Variants in RBM42 observed in about 807,000 individuals in gnomAD.
RBM42 encodes the protein RNA binding motif protein 42, also known as RNA-binding protein 42.
RBM42 carries 21 observed loss-of-function variants against 41.4 expected under a neutral mutation model. The ratio of observed to expected loss-of-function variants is 0.51; its 90% CI spans 0.36 to 0.73. The LOEUF is 0.73. RBM42 is among the 30% of genes least tolerant of loss of function. RBM42 has a pLI of 0.00. For synonymous variants in RBM42, 272 were observed against 271.2 expected (o/e 1.00, Z -0.03); for missense variants, 539 against 680.4 (o/e 0.79, Z 2.31).
At chr19:35,630,936 A>C (rs1967394189) in intron 2 of RBM42, among the ~76,000 whole-genome samples, 1 of 152,170 alleles carries the variant, frequency 6.6e-6, no homozygotes, top group Non-Finnish European at 1.5e-5. Context: ...GGAAGATGAA[A>C]TAAGGTGGTG....
chr19:35,633,539 CTG>C, intron 6 of RBM42, 146 bp from the exon 7 acceptor site: 1 of 712,508 alleles, frequency 1.4e-6, no homozygotes, highest in Middle Eastern at 3.1e-4. Flanking sequence ...TTCTCCTTCT[CTG>C]TGTTTGTCTG....
At chr19:35,630,002 G>A (rs150544641) in intron 2 of RBM42, among the ~76,000 whole-genome samples, 1 of 152,200 alleles carries the variant, frequency 6.6e-6, no homozygotes, top group Non-Finnish European at 1.5e-5. Context: ...TAGAGAAAGA[G>A]AGAGAAATTA....
At position 35,637,091 on chromosome 19, in the gene RBM42, G is replaced by A. The variant is rs1437358087; in HGVS notation, c.1136-67G>A. The stretch of plus-strand genomic sequence containing the variant: ...TAGATACCTCCGAAAAGGTGGGATC[G>A]TTCAGACAAGGTAGACACTGGGCAA... On this transcript the variant is annotated intron_variant, in intron 8 of 9. Coordinates refer to ENST00000262633, the MANE Select transcript of RBM42 (RefSeq NM_024321.5). This position sits in a 1 kb window ranked among gnomAD's most constrained non-coding sequence, Gnocchi z 7.0. The A allele has an allele frequency of 4.8e-6, 7 of 1,451,494 alleles. No homozygotes were observed. Among genetic ancestry groups the A allele is most frequent in the East Asian group, 2.5e-5 (1 of 40,680 alleles). 89.9% of individuals were successfully genotyped at this position (1,451,494 alleles called of 1,614,324 possible).
At chr19:35,636,439 C>T (rs1389331438) in intron 8 of RBM42, among the ~76,000 whole-genome samples, 1 of 152,170 alleles carries the variant, frequency 6.6e-6, no homozygotes, top group East Asian at 1.9e-4. Context: ...GGATCACAGG[C>T]GTGAGCCACT....
chr19:35,633,805 TG>T lies in RBM42; in HGVS notation c.808del (p.Ala270GlnfsTer87). 2.0e-6 allele frequency: 3 copies of T among 1,501,018 alleles called. No homozygotes were observed. The highest frequency in any genetic ancestry group is 1.8e-6 in the Non-Finnish European group (2 of 1,133,550). 93.0% of individuals were successfully genotyped at this position (1,501,018 alleles called of 1,614,324 possible). The stretch of plus-strand genomic sequence containing the variant: ...GAGGAGGCTAGCGCGGCTGTGGCCG[TG>T]GGGGCAGGAGGTGCCCCAGCTGGCC... ...GLEEASAAVA[V>X]GAGGAPAGPA... On this transcript the variant is annotated frameshift_variant, in exon 7 of 10. Coordinates refer to ENST00000262633, the MANE Select transcript of RBM42 (RefSeq NM_024321.5). LOFTEE classifies it high-confidence loss of function.
In RBM42 at chr19:35,637,052, C is replaced by T; in HGVS notation, c.1136-106C>T. 1 of 1,037,080 alleles carries T rather than the reference C, an allele frequency of 9.6e-7. No homozygotes were observed. The highest frequency in any genetic ancestry group is 2.5e-5 in the Admixed American group (1 of 40,546). The allele number at this position is 1,037,080 out of a possible 1,614,324, so 64.2% of individuals were successfully genotyped here. A position where few individuals can be genotyped will look rare whatever the true frequency, so the allele number is the denominator to read the frequency against. ...GTGTTGACCATTATTACTAAGAGGT[C>T]CCTAGGCAGAGACTAGATACCTCCG... On this transcript the variant is annotated intron_variant, in intron 8 of 9. Coordinates refer to ENST00000262633, the MANE Select transcript of RBM42 (RefSeq NM_024321.5). The surrounding 1 kb of genome is among the most constrained non-coding windows in gnomAD (Gnocchi z 7.0).
Position 35,629,213 on chromosome 19 carries a change from T to C in RBM42, c.60T>C (p.Gly20=). ...GTGCAGGAGGACCCGTGGTCCCGGG[T>C]CCTGGCGCTGGCATCCCGGGCAAAA... ...LPGAGGPVVP[G]PGAGIPGKSG... is the part of the protein sequence containing the mutation. Residue 20 remains glycine (G), a synonymous_variant, in exon 1 of 10, where the codon GGT becomes GGC. Transcript: ENST00000262633. 1 of 1,537,020 alleles carries C rather than the reference T, an allele frequency of 6.5e-7. No homozygotes were observed. The highest frequency in any genetic ancestry group is 2.5e-5 in the East Asian group (1 of 40,716).
At chr19:35,634,155 G>A in intron 7 of RBM42, 101 bp from the exon 8 acceptor site, 1 of 1,547,840 alleles carries the variant, frequency 6.5e-7, no homozygotes, top group South Asian at 1.2e-5. Flanking sequence ...ACATCCAGAA[G>A]CACATCCAGC....
intron 6 of RBM42, 96 bp downstream of exon 6, chr19:35,633,348 T>C: frequency 1.0e-6 from 1 of 983,634 alleles, no homozygotes; most frequent in African/African-American, 1.6e-5. Flanking sequence ...GCCTCTCTCC[T>C]GACTTTCTGT....
Position 35,637,576 on chromosome 19 carries a change from T to G in RBM42, c.*22T>G. On this transcript the variant is annotated 3_prime_UTR_variant, in exon 10 of 10. Coordinates refer to ENST00000262633, the MANE Select transcript of RBM42 (RefSeq NM_024321.5). This position sits in a 1 kb window ranked among gnomAD's most constrained non-coding sequence, Gnocchi z 7.0. ...ATAGGGTCTGTGGCCAGGCACCCGC[T>G]CCCACCTGGCCGGGCGCTGGCTCCT... 1 of 1,591,994 alleles carries G rather than the reference T, an allele frequency of 6.3e-7. No homozygotes were observed. The highest frequency in any genetic ancestry group is 1.1e-5 in the South Asian group (1 of 90,430).
intron 4 of RBM42, among the ~76,000 whole-genome samples, chr19:35,632,483 T>G: frequency 6.6e-6 from 1 of 152,224 alleles, no homozygotes; most frequent in East Asian, 1.9e-4. Context: ...ACCCCTTGCC[T>G]AACACTTCAT....
Position 35,637,284 on chromosome 19 carries a change from C to T in RBM42, c.1262C>T (p.Thr421Ile). Residue 421 changes from threonine to isoleucine, a missense_variant, in exon 9 of 10, where the codon ACC becomes ATC. Physicochemically the swap from Thr to Ile is moderately conservative, Grantham distance 89 (BLOSUM62 -1). This residue lies in a region of RBM42 where 110 missense variants were observed against 191.5 expected (regional missense o/e 0.57). Coordinates refer to ENST00000262633, the MANE Select transcript of RBM42 (RefSeq NM_024321.5). This position sits in a 1 kb window ranked among gnomAD's most constrained non-coding sequence, Gnocchi z 7.0. ...ATCCGTGACAAGCGCACAGGCAAGA[C>T]CAAGGGCTACGGCTTCGTCAGCTTC... is the stretch of plus-strand genomic sequence containing the variant. ...KVIRDKRTGK[T>I]KGYGFVSFKD... 1.9e-6 allele frequency: 3 copies of T among 1,614,222 alleles called. No homozygotes were observed. Among genetic ancestry groups the T allele is most frequent in the Non-Finnish European group, 1.7e-6 (2 of 1,180,042 alleles).
At position 35,633,141 on chromosome 19, in the gene RBM42, C is replaced by G. The variant is rs149753042; in HGVS notation, c.573C>G (p.Ala191=). ...RPMALRPPHQ[A]LVGPPLPGPP... Reference sequence around the variant, plus strand: ...TGGCCCTACGGCCCCCTCACCAGGCCCTCGTGGGCCCCCCTCTGCCTGGGC... The same window carrying G: ...TGGCCCTACGGCCCCCTCACCAGGCGCTCGTGGGCCCCCCTCTGCCTGGGC... The change falls in exon 6 of 10, where the codon GCC becomes GCG. Residue 191 remains alanine (A), a synonymous_variant. Coordinates refer to ENST00000262633, the MANE Select transcript of RBM42 (RefSeq NM_024321.5). 1.3e-6 allele frequency: 2 copies of G among 1,571,578 alleles called. No individual in the cohort carries two copies. The highest frequency in any genetic ancestry group is 2.7e-5 in the African/African-American group (2 of 74,100).
intron 2 of RBM42, among the ~76,000 whole-genome samples, chr19:35,630,842 T>G (rs1337112325): frequency 6.7e-6 from 1 of 150,132 alleles, no homozygotes; most frequent in Non-Finnish European, 1.5e-5. Flanking sequence ...TAGACAGGAG[T>G]TAATGGTGGC....
At chr19:35,634,651 TA>T (rs1445494551) in intron 8 of RBM42, among the ~76,000 whole-genome samples, 28 of 150,448 alleles carry the variant, frequency 1.9e-4, no homozygotes, top group African/African-American at 6.6e-4. Flanking sequence ...ACTCTTAGGA[TA>T]AAAATTTTTT....
At chr19:35,632,825 C>T in intron 4 of RBM42, 111 bp from the exon 5 acceptor site, 1 of 670,526 alleles carries the variant, frequency 1.5e-6, no homozygotes. Flanking sequence ...AGACTCTTCT[C>T]CAGGATTTCT....
At chr19:35,632,895 CT>C (rs764958522) in intron 4 of RBM42, 40 bp from the exon 5 acceptor site, 3 of 822,384 alleles carry the variant, frequency 3.6e-6, no homozygotes, top group African/African-American at 3.3e-5. Flanking sequence ...CCAAGTGCCC[CT>C]GTCCCCCATG....
At chr19:35,633,314 G>A in intron 6 of RBM42, 62 bp downstream of exon 6, 4 of 1,305,996 alleles carry the variant, frequency 3.1e-6, no homozygotes, top group Non-Finnish European at 4.2e-6. Context: ...ATCCATCCTG[G>A]CCCAATGGGC....
chr19:35,636,050 C>T (rs1967491785), intron 8 of RBM42, among the ~76,000 whole-genome samples: 1 of 152,106 alleles, frequency 6.6e-6, no homozygotes, highest in African/African-American at 2.4e-5. Context: ...CAGTGTTTGA[C>T]TTCCACCCCC....
Sources: gnomAD v4.1 joint callset for allele counts (sites outside exome capture counted in the v4.1 genomes callset) on GRCh38, gnomAD v4.1.1 for gene constraint, gnomAD v4.1.1 regional missense constraint, Gnocchi (gnomAD v3.1) non-coding constraint, MANE v1.5 for transcripts, NCBI Gene and HGNC (gene_info 2026-07-23, HGNC 2026-07-21) for gene names.